The following DIAPH3 variants were observed in gnomAD, a reference collection of about 807,000 sequenced individuals.
The protein encoded by DIAPH3 is diaphanous related formin 3.
In DIAPH3, 117 loss-of-function variants were observed where a neutral mutation model predicts 144.3. The ratio of observed to expected loss-of-function variants is 0.81; its 90% CI spans 0.70 to 0.95. DIAPH3 has a LOEUF of 0.95. Ranked by LOEUF, DIAPH3 falls within the 40% of genes least tolerant of loss-of-function variation. The pLI is 0.00. For missense variants in DIAPH3, 1,421 were observed against 1,412.7 expected, an observed-to-expected ratio of 1.01 and a Z score of -0.09; for synonymous variants, 519 against 488.9, an observed-to-expected ratio of 1.06 and a Z score of -0.81.
chr13:60,114,922 A>G (rs1472179209), intron 2 of DIAPH3, among the ~76,000 whole-genome samples: 1 of 152,182 alleles, frequency 6.6e-6, no homozygotes, highest in African/African-American at 2.4e-5. Flanking sequence ...GGGCAGTCAA[A>G]GTCCACATAT....
At chr13:59,724,028 G>A (rs539240383) in intron 27 of DIAPH3, among the ~76,000 whole-genome samples, 1 of 151,568 alleles carries the variant, frequency 6.6e-6, no homozygotes, top group East Asian at 1.9e-4. Flanking sequence ...GTGATAAAGG[G>A]ATAGTTCTCT....
At chr13:59,967,505 A>G (rs993316688) in intron 17 of DIAPH3, among the ~76,000 whole-genome samples, 1 of 152,072 alleles carries the variant, frequency 6.6e-6, no homozygotes, top group Non-Finnish European at 1.5e-5. Context: ...CCACAAGTAG[A>G]CCTGTCTACT....
chr13:59,839,363 A>C lies in DIAPH3; in HGVS notation c.2823T>G (p.Pro941=), dbSNP rs1285699372. 8.7e-6 allele frequency: 14 copies of C among 1,613,568 alleles called. No individual in the cohort carries two copies. Among genetic ancestry groups the C allele is most frequent in the Non-Finnish European group, 1.2e-5 (14 of 1,179,792 alleles). The change falls in exon 23 of 28, where the codon CCT becomes CCG. Residue 941 remains proline (P), a synonymous_variant. Coordinates refer to ENST00000400324, the MANE Select transcript of DIAPH3 (RefSeq NM_001042517.2). The stretch of plus-strand genomic sequence containing the variant: ...CAAACTTGTCATGCAAGTCCTCAGG[A>C]GGGGGAAAGGTTTCCAATTCCTTCT... The part of the protein sequence containing the change: ...QLEKELETFP[P]PEDLHDKFVT...
intron 1 of DIAPH3, among the ~76,000 whole-genome samples, chr13:60,155,821 T>C (rs1362706811): frequency 6.6e-6 from 1 of 152,198 alleles, no homozygotes; most frequent in Non-Finnish European, 1.5e-5. Flanking sequence ...AGACAAAACA[T>C]GAATGGAGGT....
intron 25 of DIAPH3, among the ~76,000 whole-genome samples, chr13:59,797,273 G>A (rs1416500240): frequency 6.6e-6 from 1 of 152,092 alleles, no homozygotes; most frequent in Non-Finnish European, 1.5e-5. Context: ...CAGAATATAT[G>A]CCCATGAGGG....
chr13:59,690,375 A>G (rs1205144242), intron 27 of DIAPH3, among the ~76,000 whole-genome samples: 2 of 152,200 alleles, frequency 1.3e-5, no homozygotes, highest in Non-Finnish European at 2.9e-5. Flanking sequence ...AATTAGTGAA[A>G]GAGCTTGGCC....
intron 4 of DIAPH3, among the ~76,000 whole-genome samples, chr13:60,052,958 T>TAAAAAAAAAA (rs2056407276): frequency 9.4e-5 from 1 of 10,612 alleles, no homozygotes; most frequent in African/African-American, 6.3e-4. Flanking sequence ...AGACTCCCTC[T>TAAAAAAAAAA]TAAAAAAAAA....
intron 18 of DIAPH3, among the ~76,000 whole-genome samples, chr13:59,920,065 C>A (rs1055454102): frequency 6.6e-6 from 1 of 151,312 alleles, no homozygotes; most frequent in Non-Finnish European, 1.5e-5. Context: ...AAATTAAAAG[C>A]AAAAAAATCA....
intron 5 of DIAPH3, among the ~76,000 whole-genome samples, chr13:60,028,873 A>C (rs947058495): frequency 6.6e-6 from 1 of 152,110 alleles, no homozygotes; most frequent in African/African-American, 2.4e-5. Flanking sequence ...ATCCTGGCCA[A>C]CATGGTGAAA....
intron 27 of DIAPH3, among the ~76,000 whole-genome samples, chr13:59,740,033 G>C (rs2036368881): frequency 6.6e-6 from 1 of 152,004 alleles, no homozygotes; most frequent in Admixed American, 6.6e-5. Context: ...TAGGAGATTT[G>C]AACCAATCTC....
At chr13:60,152,932 G>A (rs1794497354) in intron 1 of DIAPH3, among the ~76,000 whole-genome samples, 1 of 152,032 alleles carries the variant, frequency 6.6e-6, no homozygotes, top group African/African-American at 2.4e-5. Context: ...TCATCTCTGG[G>A]TACCCCAAAC....
chr13:59,944,232 G>C (rs1308690842), intron 17 of DIAPH3, among the ~76,000 whole-genome samples: 1 of 151,814 alleles, frequency 6.6e-6, no homozygotes, highest in Admixed American at 6.6e-5. Flanking sequence ...AAATGATGGA[G>C]GACTTAGAAA....
intron 23 of DIAPH3, chr13:59,838,195 A>C (rs903627841): frequency 1.3e-5 from 2 of 152,128 alleles, no homozygotes; most frequent in African/African-American, 4.8e-5. Context: ...CATTGTAGTA[A>C]TATTTTATTA....
intron 3 of DIAPH3, among the ~76,000 whole-genome samples, chr13:60,102,752 G>C (rs2058306874): frequency 6.6e-6 from 1 of 152,172 alleles, no homozygotes; most frequent in Admixed American, 6.5e-5. Flanking sequence ...CAGTGACCTA[G>C]AACAGAGTCA....
chr13:59,719,627 C>A (rs116522325), intron 27 of DIAPH3, among the ~76,000 whole-genome samples: 174 of 152,170 alleles, frequency 1.1e-3, no homozygotes, highest in African/African-American at 4.1e-3. Flanking sequence ...TACCCTGCAA[C>A]CTGAATTTGT....
chr13:59,879,150 T>A (rs1439907393), intron 21 of DIAPH3, 79 bp downstream of exon 21: 24 of 1,583,534 alleles, frequency 1.5e-5, no homozygotes, highest in Admixed American at 8.6e-5. Context: ...AATAAAAAAA[T>A]ATTTAAATAA....
chr13:59,990,304 C>T (rs2051728139), intron 12 of DIAPH3, among the ~76,000 whole-genome samples: 1 of 151,700 alleles, frequency 6.6e-6, no homozygotes, highest in African/African-American at 2.4e-5. Flanking sequence ...CTGAGTCATA[C>T]CCTCTGATGT....
chr13:60,159,635 A>G (rs996600794), intron 1 of DIAPH3, among the ~76,000 whole-genome samples: 7 of 151,898 alleles, frequency 4.6e-5, no homozygotes, highest in East Asian at 3.9e-4. Context: ...CAAAAAAAAA[A>G]AAAGAAAGAA....
intron 20 of DIAPH3, among the ~76,000 whole-genome samples, chr13:59,885,210 A>C (rs1327448574): frequency 4.6e-5 from 7 of 152,106 alleles, no homozygotes; most frequent in Non-Finnish European, 2.9e-5. Flanking sequence ...TTAATTTGGC[A>C]GTCTCAGCAC....
Sources: gnomAD v4.1 joint callset for allele counts (sites outside exome capture counted in the v4.1 genomes callset) on GRCh38, gnomAD v4.1.1 for gene constraint, MANE v1.5 for transcripts, NCBI Gene and HGNC (gene_info 2026-07-23, HGNC 2026-07-21) for gene names.